The following GALNTL6 variants were observed in gnomAD, a reference collection of about 807,000 sequenced individuals.
GALNTL6 encodes the protein polypeptide N-acetylgalactosaminyltransferase-like 6.
Under a neutral mutation model 73.7 loss-of-function variants are expected in GALNTL6, and 46 were observed. That is an observed-to-expected ratio of 0.62 (90% CI 0.49 to 0.80). The LOEUF is 0.80. GALNTL6 is among the 30% of genes least tolerant of loss of function. The pLI, the probability that GALNTL6 is intolerant of heterozygous loss-of-function variation, is 0.00. For synonymous variants in GALNTL6, 259 were observed against 263.7 expected (o/e 0.98, Z 0.17); for missense variants, 604 against 755.0 (o/e 0.80, Z 2.34).
chr4:171,866,941 T>TATA lies in GALNTL6; in HGVS notation c.138+52226_138+52228dup, dbSNP rs537364269. On this transcript the variant is annotated intron_variant, in intron 2 of 12. Transcript: ENST00000506823. ...GGAGACACACACATTCAGTCCATTG[T>TATA]ATAATTACAGGTATTTACAAAATAA... Among the ~76,000 whole-genome samples the TATA allele has an allele frequency of 3.0e-4, 46 of 152,348 alleles. No homozygotes were observed. The South Asian group carries it at 9.5e-3, about 32-fold the overall frequency.
At chr4:172,022,348 T>C (rs1194346440) in intron 2 of GALNTL6, among the ~76,000 whole-genome samples, 1 of 152,064 alleles carries the variant, frequency 6.6e-6, no homozygotes, top group Non-Finnish European at 1.5e-5. Flanking sequence ...CCACACTGAC[T>C]TTTTCAACAT....
intron 2 of GALNTL6, among the ~76,000 whole-genome samples, chr4:172,219,508 T>C (rs1736605023): frequency 6.6e-6 from 1 of 151,784 alleles, no homozygotes; most frequent in South Asian, 2.1e-4. Flanking sequence ...ATAATTATAA[T>C]AATCGAAGTT....
Position 173,005,517 on chromosome 4 carries a change from T to G in GALNTL6, c.1372-3661T>G, listed in dbSNP as rs945251793. On this transcript the variant is annotated intron_variant, in intron 10 of 12. Coordinates refer to ENST00000506823, the MANE Select transcript of GALNTL6 (RefSeq NM_001034845.3). ...AAATATGAATCATCATAAGTGTTCT[T>G]GTCTACATTTAAAAAAAATATATTA... 5.7e-5 allele frequency among the ~76,000 whole-genome samples: 3 copies of G among 53,058 alleles called. No homozygotes were observed. The East Asian group carries it at 1.8e-3, about 32-fold the overall frequency. 34.8% of individuals were successfully genotyped at this position (53,058 alleles called of 152,430 possible). A position where few individuals can be genotyped will look rare whatever the true frequency, so the allele number is the denominator to read the frequency against.
intron 2 of GALNTL6, among the ~76,000 whole-genome samples, chr4:171,944,520 T>C (rs1480104076): frequency 6.6e-6 from 1 of 152,020 alleles, no homozygotes; most frequent in Non-Finnish European, 1.5e-5. Context: ...CTACTGGTGT[T>C]TTCAAAGAAA....
chr4:172,080,566 T>G (rs1731849013), intron 2 of GALNTL6, among the ~76,000 whole-genome samples: 1 of 152,014 alleles, frequency 6.6e-6, no homozygotes, highest in East Asian at 1.9e-4. Flanking sequence ...TTCCCACAAA[T>G]AAAGTGCAAT....
chr4:172,480,758 A>G (rs929171998), intron 5 of GALNTL6, among the ~76,000 whole-genome samples: 4 of 152,158 alleles, frequency 2.6e-5, no homozygotes, highest in Non-Finnish European at 5.9e-5. Context: ...TAGGCAGGCA[A>G]CTTGCTGAGT....
At chr4:172,119,660 T>A (rs1284579018) in intron 2 of GALNTL6, among the ~76,000 whole-genome samples, 1 of 151,648 alleles carries the variant, frequency 6.6e-6, no homozygotes, top group Non-Finnish European at 1.5e-5. Flanking sequence ...GACCATAAAG[T>A]CTCTTGATTC....
At chr4:172,179,282 A>T (rs1403162403) in intron 2 of GALNTL6, among the ~76,000 whole-genome samples, 5 of 151,620 alleles carry the variant, frequency 3.3e-5, no homozygotes, top group African/African-American at 1.2e-4. Context: ...ACAGTGTAAA[A>T]GTATTCCTAT....
chr4:171,968,608 C>G (rs865978672), intron 2 of GALNTL6, among the ~76,000 whole-genome samples: 1 of 152,080 alleles, frequency 6.6e-6, no homozygotes, highest in Admixed American at 6.5e-5. Context: ...TGTTCCAGGA[C>G]GACATGAATT....
intron 2 of GALNTL6, among the ~76,000 whole-genome samples, chr4:171,962,115 T>C (rs185768301): frequency 6.6e-6 from 1 of 152,274 alleles, no homozygotes; most frequent in African/African-American, 2.4e-5. Flanking sequence ...CCCTAATAGT[T>C]AGGCAGGAAT....
In GALNTL6 at chr4:171,911,860, T is replaced by A. The variant is rs990404513; in HGVS notation, c.138+97142T>A. Among the ~76,000 whole-genome samples, 6 of 152,342 alleles carry A rather than the reference T, an allele frequency of 3.9e-5. No individual in the cohort carries two copies. The South Asian group carries it at 1.2e-3, about 32-fold the overall frequency. On this transcript the variant is annotated intron_variant, in intron 2 of 12. Transcript: ENST00000506823. ...GAGCATTCCAATTTGGATATTTTGC[T>A]GTTTTCCTAAGAACAGAAATTGATG...
chr4:172,414,337 CA>C (rs1393276473), intron 5 of GALNTL6, among the ~76,000 whole-genome samples: 1 of 152,060 alleles, frequency 6.6e-6, no homozygotes, highest in African/African-American at 2.4e-5. Context: ...TTATATTTTC[CA>C]AATTCCACAT....
intron 2 of GALNTL6, among the ~76,000 whole-genome samples, chr4:172,074,208 A>C (rs971864840): frequency 8.5e-5 from 13 of 152,230 alleles, no homozygotes; most frequent in African/African-American, 3.1e-4. Flanking sequence ...GACATGAAGA[A>C]AAATTTAGCT....
chr4:172,884,294 C>A (rs997364118), intron 8 of GALNTL6, among the ~76,000 whole-genome samples: 1 of 152,078 alleles, frequency 6.6e-6, no homozygotes, highest in South Asian at 2.1e-4. Flanking sequence ...AATTTTTTGT[C>A]TTTGAGATAA....
chr4:172,806,407 A>C (rs902453189), intron 5 of GALNTL6, among the ~76,000 whole-genome samples: 1 of 152,230 alleles, frequency 6.6e-6, no homozygotes, highest in Non-Finnish European at 1.5e-5. Flanking sequence ...GAAAAATAAA[A>C]AACATGTAGA....
chr4:172,084,340 C>T (rs17058022), intron 2 of GALNTL6, among the ~76,000 whole-genome samples: 7,255 of 152,078 alleles, frequency 0.048, 567 homozygotes, highest in African/African-American at 0.16. Flanking sequence ...TGTGGTGAAA[C>T]GAAGAATTTT....
intron 2 of GALNTL6, among the ~76,000 whole-genome samples, chr4:172,032,325 T>C (rs184182179): frequency 6.8e-4 from 103 of 152,164 alleles, no homozygotes; most frequent in African/African-American, 2.2e-3. Context: ...TTAAGACCTA[T>C]GACACTCTGA....
At chr4:172,105,665 G>A (rs1391155844) in intron 2 of GALNTL6, among the ~76,000 whole-genome samples, 1 of 152,008 alleles carries the variant, frequency 6.6e-6, no homozygotes, top group Non-Finnish European at 1.5e-5. Context: ...GTAAACAATA[G>A]ATTCTTAAAT....
intron 10 of GALNTL6, among the ~76,000 whole-genome samples, chr4:173,001,513 T>A (rs886417876): frequency 2.0e-5 from 3 of 152,124 alleles, no homozygotes; most frequent in Admixed American, 6.5e-5. Context: ...AACAAATAGA[T>A]AAATTGGACT....
Sources: gnomAD v4.1 joint callset for allele counts (sites outside exome capture counted in the v4.1 genomes callset) on GRCh38, gnomAD v4.1.1 for gene constraint, MANE v1.5 for transcripts, NCBI Gene and HGNC (gene_info 2026-07-23, HGNC 2026-07-21) for gene names.